Variants in PCLO observed in about 807,000 individuals in gnomAD.
The protein encoded by PCLO is protein piccolo.
PCLO carries 82 observed loss-of-function variants against 427.5 expected under a neutral mutation model. That is an observed-to-expected ratio of 0.19 (90% CI 0.16 to 0.23). PCLO has a LOEUF of 0.23. PCLO is among the 10% of genes least tolerant of loss of function. PCLO has a pLI of 1.00. For missense variants in PCLO, 6,239 were observed against 6,115.9 expected (o/e 1.02, Z -0.67); for synonymous variants, 2,357 against 2,155.4 (o/e 1.09, Z -2.59).
intron 3 of PCLO, among the ~76,000 whole-genome samples, chr7:83,115,001 T>C (rs1791096764): frequency 6.6e-6 from 1 of 152,056 alleles, no homozygotes; most frequent in Admixed American, 6.6e-5. Context: ...AAGTGGAGAA[T>C]GGTTATCCTT....
intron 3 of PCLO, among the ~76,000 whole-genome samples, chr7:83,094,211 T>TTTTC (rs1790470106): frequency 3.1e-5 from 1 of 31,760 alleles, no homozygotes. Context: ...TTTTTTTTTC[T>TTTTC]TTTTTTTTTT....
At chr7:82,977,414 T>TTATG (rs1796044853) in intron 3 of PCLO, among the ~76,000 whole-genome samples, 1 of 150,228 alleles carries the variant, frequency 6.7e-6, no homozygotes, top group Admixed American at 6.7e-5. Flanking sequence ...ATTTATTTAT[T>TTATG]TATTTATTTA....
chr7:82,758,410 T>C lies in PCLO; in HGVS notation c.*165A>G. On this transcript the variant is annotated 3_prime_UTR_variant, in exon 25 of 25. Coordinates refer to ENST00000333891, the MANE Select transcript of PCLO (RefSeq NM_033026.6). ...GAACTTTTTCAGTTGAATATCTTTGTGTGATCCACAACAATAAATGTACAA... is the reference window on the plus strand; with the variant it reads ...GAACTTTTTCAGTTGAATATCTTTGCGTGATCCACAACAATAAATGTACAA... The C allele has an allele frequency of 1.9e-6, 1 of 524,334 alleles. No homozygotes were observed. Among genetic ancestry groups the C allele is most frequent in the Non-Finnish European group, 3.3e-6 (1 of 301,250 alleles). 32.5% of individuals were successfully genotyped at this position (524,334 alleles called of 1,614,324 possible).
At chr7:83,090,659 A>G (rs1290625616) in intron 3 of PCLO, among the ~76,000 whole-genome samples, 19 of 152,152 alleles carry the variant, frequency 1.2e-4, no homozygotes, top group Admixed American at 1.2e-3. Flanking sequence ...CAAAGGGAAA[A>G]GAGGTTTGCA....
At chr7:82,926,401 C>G (rs567735735) in intron 6 of PCLO, among the ~76,000 whole-genome samples, 83 of 152,050 alleles carry the variant, frequency 5.5e-4, no homozygotes, top group Non-Finnish European at 9.7e-4. Context: ...TAGTTTTTCT[C>G]TAATTTTAAG....
At position 83,024,486 on chromosome 7, in the gene PCLO, G is replaced by A. The variant is rs187193196; in HGVS notation, c.3301-57999C>T. On this transcript the variant is annotated intron_variant, in intron 3 of 24. Coordinates refer to ENST00000333891, the MANE Select transcript of PCLO (RefSeq NM_033026.6). ...ACGGAGTCTCGCTGATTGCTAGCAC[G>A]GCAGTCTGAGATCAGACTGCAATGC... 7.0e-4 allele frequency among the ~76,000 whole-genome samples: 107 copies of A among 152,228 alleles called. 2 individuals are homozygous for A. The Middle Eastern group carries it at 0.01, about 15-fold the overall frequency.
chr7:83,085,656 T>C (rs573561596), intron 3 of PCLO, among the ~76,000 whole-genome samples: 1 of 152,326 alleles, frequency 6.6e-6, no homozygotes, highest in African/African-American at 2.4e-5. Flanking sequence ...TTGGGTCTAA[T>C]GTTTGAAAAA....
chr7:83,147,988 GACA>G (rs1410841062), intron 2 of PCLO, among the ~76,000 whole-genome samples: 1 of 152,008 alleles, frequency 6.6e-6, no homozygotes, highest in African/African-American at 2.4e-5. Context: ...TTTTTCATAA[GACA>G]ACATTATACT....
chr7:83,153,225 G>GTATA (rs986261920), intron 2 of PCLO, among the ~76,000 whole-genome samples: 1 of 150,012 alleles, frequency 6.7e-6, no homozygotes, highest in Non-Finnish European at 1.5e-5. Context: ...ATATGTATAT[G>GTATA]TATATATGTG....
intron 3 of PCLO, among the ~76,000 whole-genome samples, chr7:83,107,341 A>G (rs971053668): frequency 6.6e-6 from 1 of 152,218 alleles, no homozygotes; most frequent in Non-Finnish European, 1.5e-5. Flanking sequence ...ATTAATATTG[A>G]GTCAAAACTA....
At chr7:82,963,978 T>C (rs1795710412) in intron 4 of PCLO, among the ~76,000 whole-genome samples, 1 of 152,164 alleles carries the variant, frequency 6.6e-6, no homozygotes, top group South Asian at 2.1e-4. Context: ...GAAAACTTCT[T>C]GTTTGGAATA....
chr7:82,816,986 A>C (rs944715076), intron 20 of PCLO, among the ~76,000 whole-genome samples: 13 of 152,156 alleles, frequency 8.5e-5, no homozygotes, highest in African/African-American at 2.9e-4. Context: ...TCCAGCAATA[A>C]ATTTAAATGA....
At chr7:82,824,061 T>A (rs1035694498) in intron 19 of PCLO, among the ~76,000 whole-genome samples, 175 bp downstream of exon 19, 1 of 152,212 alleles carries the variant, frequency 6.6e-6, no homozygotes, top group African/African-American at 2.4e-5. Flanking sequence ...TGGGTGATGA[T>A]CTGAGAATAA....
rs1792049961 is a variant in PCLO, at chr7:83,148,493, T to C, written c.1893+6255A>G. On this transcript the variant is annotated intron_variant, in intron 2 of 24. Transcript: ENST00000333891. ...AGTCTAGAACACACCTGAAGTATGG[T>C]AGATGTTAAGTAAGTAAATACTTTT... Among the ~76,000 whole-genome samples, 7 of 152,334 alleles carry C rather than the reference T, an allele frequency of 4.6e-5. No individual in the cohort carries two copies. In the South Asian group the frequency reaches 1.4e-3, roughly 32 times the overall value.
Position 82,916,250 on chromosome 7 carries a change from T to C in PCLO, c.11736A>G (p.Gln3912=), listed in dbSNP as rs1794459015. Residue 3912 remains glutamine (Q), a synonymous_variant, in exon 7 of 25, where the codon CAA becomes CAG. Transcript: ENST00000333891. The stretch of plus-strand genomic sequence containing the variant: ...GTGAAACTTGCTGATGGTACAAAGT[T>C]TGTTGCTCAAAATGAGACTGTTGAG... ...SYTQQSHFEQ[Q]TLYHQQVSPY... is the part of the protein sequence containing the mutation. The C allele has an allele frequency of 6.2e-6, 10 of 1,613,522 alleles. No individual in the cohort carries two copies. The East Asian group carries it at 2.2e-4, about 36-fold the overall frequency.
Position 82,951,954 on chromosome 7 carries a change from G to C in PCLO, c.8999C>G (p.Ala3000Gly). Residue 3000 changes from alanine to glycine, a missense_variant, in exon 5 of 25, where the codon GCA becomes GGA. Physicochemically the swap from Ala to Gly is moderately conservative, Grantham distance 60 (BLOSUM62 0). Around this residue, in one of 5 missense-constraint regions of PCLO, gnomAD observed 4,677 missense variants for 4,468.4 expected, o/e 1.05. Transcript: ENST00000333891. ...MKPSMSDTNL[A>G]EAGHFFYKSK... ...TTTATAGAAAAAATGTCCAGCTTCT[G>C]CTAAATTTGTGTCAGACATGGAAGG... 1.2e-6 allele frequency: 2 copies of C among 1,613,874 alleles called. No individual in the cohort carries two copies. The highest frequency in any genetic ancestry group is 1.7e-6 in the Non-Finnish European group (2 of 1,179,828).
At chr7:82,935,584 A>T (rs185295545) in intron 6 of PCLO, among the ~76,000 whole-genome samples, 1 of 151,736 alleles carries the variant, frequency 6.6e-6, no homozygotes, top group Non-Finnish European at 1.5e-5. Context: ...CTACACAAAG[A>T]TAAGTTTAAT....
chr7:82,784,100 T>C lies in PCLO; in HGVS notation c.15007+17418A>G, dbSNP rs1213490401. ...GAGGTCTTTCTTCTTTGACCCTTTT[T>C]CTCTTCAGAATATTCTCAGAAGAGT... is the stretch of plus-strand genomic sequence containing the variant. On this transcript the variant is annotated intron_variant, in intron 22 of 24. Transcript: ENST00000333891. Among the ~76,000 whole-genome samples the C allele has an allele frequency of 2.0e-5, 3 of 152,206 alleles. No individual in the cohort carries two copies. In the East Asian group the frequency reaches 5.8e-4, roughly 29 times the overall value.
Position 82,828,522 on chromosome 7 carries a change from T to G in PCLO, c.14250-556A>C, listed in dbSNP as rs193186042. Among the ~76,000 whole-genome samples the G allele has an allele frequency of 8.4e-3, 1,278 of 152,266 alleles. 13 individuals carry two copies. Among genetic ancestry groups the G allele is most frequent in the Non-Finnish European group, 0.012 (834 of 68,016 alleles). ...AAAGCAATTTTAATTAAATATAAAT[T>G]TTTGGTTTATGTCAATATGCTATTT... On this transcript the variant is annotated intron_variant, in intron 16 of 24. Coordinates refer to ENST00000333891, the MANE Select transcript of PCLO (RefSeq NM_033026.6).
Sources: gnomAD v4.1 joint callset for allele counts (sites outside exome capture counted in the v4.1 genomes callset) on GRCh38, gnomAD v4.1.1 for gene constraint, gnomAD v4.1.1 regional missense constraint, MANE v1.5 for transcripts, NCBI Gene and HGNC (gene_info 2026-07-23, HGNC 2026-07-21) for gene names.